Variants in ATF7IP2 observed in about 807,000 individuals in gnomAD.
The protein encoded by ATF7IP2 is activating transcription factor 7-interacting protein 2.
In ATF7IP2, 42 loss-of-function variants were observed where a neutral mutation model predicts 64.2. That is an observed-to-expected ratio of 0.65 (90% CI 0.51 to 0.85). The LOEUF (loss-of-function observed/expected upper bound fraction) is 0.85, where lower values mean the gene tolerates loss of function less well. Ranked by LOEUF, ATF7IP2 falls within the 40% of genes least tolerant of loss-of-function variation. The probability of loss-of-function intolerance (pLI) is 0.00; values close to 1 mark genes in which losing one functional copy is unlikely to be tolerated. For synonymous variants in ATF7IP2, 308 were observed against 272.8 expected (o/e 1.13, Z -1.27); for missense variants, 933 against 784.2 (o/e 1.19, Z -2.27).
chr16:10,458,966 A>C (rs1228092377), intron 9 of ATF7IP2, among the ~76,000 whole-genome samples: 1 of 152,000 alleles, frequency 6.6e-6, no homozygotes. Context: ...CAGGTGGATC[A>C]CTTGAGGTCA....
At chr16:10,433,729 T>G in intron 6 of ATF7IP2, 80 bp downstream of exon 6, 1 of 1,494,298 alleles carries the variant, frequency 6.7e-7, no homozygotes, top group South Asian at 1.1e-5. Context: ...GTCCCCACAG[T>G]GGCATAATAC....
intron 2 of ATF7IP2, among the ~76,000 whole-genome samples, chr16:10,417,971 C>T (rs2047912550): frequency 6.6e-6 from 1 of 152,180 alleles, no homozygotes; most frequent in Admixed American, 6.5e-5. Context: ...GAGACCCTAA[C>T]CCAGTGGCAC....
intron 1 of ATF7IP2, among the ~76,000 whole-genome samples, chr16:10,393,473 G>C (rs1346137855): frequency 6.6e-6 from 1 of 152,104 alleles, no homozygotes; most frequent in African/African-American, 2.4e-5. Flanking sequence ...ATGATTTTTA[G>C]TTTATGATGC....
chr16:10,401,813 C>G (rs1269191364), intron 1 of ATF7IP2, among the ~76,000 whole-genome samples: 1 of 143,266 alleles, frequency 7.0e-6, no homozygotes, highest in Non-Finnish European at 1.5e-5. Context: ...TTCAGGATTT[C>G]TGTTTCTTCT....
intron 3 of ATF7IP2, among the ~76,000 whole-genome samples, chr16:10,422,534 A>G (rs923199468): frequency 1.6e-4 from 24 of 152,290 alleles, no homozygotes; most frequent in Non-Finnish European, 2.8e-4. Context: ...GCCCTTCACA[A>G]TGCAAGATAT....
At chr16:10,437,314 C>A (rs1044816025) in intron 6 of ATF7IP2, among the ~76,000 whole-genome samples, 1 of 152,154 alleles carries the variant, frequency 6.6e-6, no homozygotes. Context: ...CCACTGCACC[C>A]GGCTGGCTTC....
At chr16:10,455,379 G>A (rs1455761965) in intron 8 of ATF7IP2, among the ~76,000 whole-genome samples, 1 of 152,226 alleles carries the variant, frequency 6.6e-6, no homozygotes, top group East Asian at 1.9e-4. Context: ...AGGGCCTCAA[G>A]TCCAGAAACG....
intron 3 of ATF7IP2, among the ~76,000 whole-genome samples, chr16:10,426,208 A>G (rs909300016): frequency 2.0e-5 from 3 of 152,224 alleles, no homozygotes; most frequent in East Asian, 3.8e-4. Context: ...TACCATCTCA[A>G]AGATCTGTGA....
At chr16:10,459,027 AAATAAT>A (rs35159382) in intron 9 of ATF7IP2, among the ~76,000 whole-genome samples, 5 of 150,130 alleles carry the variant, frequency 3.3e-5, no homozygotes, top group Non-Finnish European at 7.4e-5. Flanking sequence ...CTCTACTAAA[AAATAAT>A]AATAATAATA....
At chr16:10,434,720 T>C (rs1014031020) in intron 6 of ATF7IP2, among the ~76,000 whole-genome samples, 3 of 152,198 alleles carry the variant, frequency 2.0e-5, no homozygotes, top group African/African-American at 7.2e-5. Context: ...CTAAGGACCA[T>C]GTTATTCAAG....
At chr16:10,464,989 C>A (rs941245680) in intron 9 of ATF7IP2, among the ~76,000 whole-genome samples, 1 of 152,122 alleles carries the variant, frequency 6.6e-6, no homozygotes, top group Non-Finnish European at 1.5e-5. Flanking sequence ...TGTTGCCACG[C>A]CCAGCTAATT....
intron 1 of ATF7IP2, among the ~76,000 whole-genome samples, chr16:10,398,414 A>G (rs990833086): frequency 6.6e-6 from 1 of 152,210 alleles, no homozygotes. Context: ...TATTTTTTAG[A>G]AGTTCAAAAA....
intron 1 of ATF7IP2, among the ~76,000 whole-genome samples, chr16:10,411,466 G>A (rs967450707): frequency 2.6e-5 from 4 of 151,794 alleles, no homozygotes; most frequent in African/African-American, 9.7e-5. Flanking sequence ...CACAGTCTTG[G>A]CTCAAGCAGT....
intron 1 of ATF7IP2, among the ~76,000 whole-genome samples, chr16:10,389,589 T>G (rs2047280573): frequency 6.6e-6 from 1 of 152,226 alleles, no homozygotes; most frequent in Non-Finnish European, 1.5e-5. Context: ...CATCTGCAAT[T>G]ACAGGAAATC....
intron 10 of ATF7IP2, among the ~76,000 whole-genome samples, chr16:10,472,855 CAAA>C (rs71133355): frequency 3.0e-5 from 3 of 99,080 alleles, no homozygotes; most frequent in Admixed American, 1.1e-4. Flanking sequence ...GACTCCGTCT[CAAA>C]AAAAAAAAAA....
chr16:10,441,043 T>G (rs1431143750), intron 8 of ATF7IP2, among the ~76,000 whole-genome samples: 2 of 152,196 alleles, frequency 1.3e-5, no homozygotes, highest in Non-Finnish European at 2.9e-5. Flanking sequence ...AGAATGATGG[T>G]TTTCAGCTTC....
At chr16:10,462,226 A>T (rs1053228344) in intron 9 of ATF7IP2, among the ~76,000 whole-genome samples, 1 of 152,044 alleles carries the variant, frequency 6.6e-6, no homozygotes, top group Non-Finnish European at 1.5e-5. Flanking sequence ...ATTTTACATT[A>T]AGTCCTAGAG....
intron 1 of ATF7IP2, among the ~76,000 whole-genome samples, chr16:10,404,458 C>T (rs368456212): frequency 2.8e-4 from 42 of 152,200 alleles, no homozygotes; most frequent in Admixed American, 1.0e-3. Flanking sequence ...TTGGCCCGGC[C>T]GGTCTTGAAC....
At chr16:10,394,471 A>C (rs117603935) in intron 1 of ATF7IP2, among the ~76,000 whole-genome samples, 2,212 of 152,346 alleles carry the variant, frequency 0.015, 93 homozygotes, top group Admixed American at 0.075. Flanking sequence ...AATGGATAGA[A>C]AACTGAGGAA....
Sources: gnomAD v4.1 joint callset for allele counts (sites outside exome capture counted in the v4.1 genomes callset) on GRCh38, gnomAD v4.1.1 for gene constraint, MANE v1.5 for transcripts, NCBI Gene and HGNC (gene_info 2026-07-23, HGNC 2026-07-21) for gene names.